The following GRID2 variants were observed in gnomAD, a reference collection of about 807,000 sequenced individuals.
The protein encoded by GRID2 is glutamate receptor ionotropic, delta-2.
Under a neutral mutation model 114.8 loss-of-function variants are expected in GRID2, and 33 were observed. That is an observed-to-expected ratio of 0.29 (90% CI 0.22 to 0.38). The LOEUF (loss-of-function observed/expected upper bound fraction) is 0.38, where lower values mean the gene tolerates loss of function less well. Ranked by LOEUF, GRID2 falls within the 10% of genes least tolerant of loss-of-function variation. GRID2 has a pLI of 1.00. For synonymous variants in GRID2, 505 were observed against 449.9 expected (o/e 1.12, Z -1.55); for missense variants, 1,184 against 1,257.7 (o/e 0.94, Z 0.89).
chr4:93,013,609 G>T (rs1722400792), intron 2 of GRID2, among the ~76,000 whole-genome samples: 1 of 151,820 alleles, frequency 6.6e-6, no homozygotes, highest in Non-Finnish European at 1.5e-5. Context: ...TCATCAGTCA[G>T]TATTTTTAGT....
At chr4:92,937,546 C>A (rs1234232574) in intron 2 of GRID2, among the ~76,000 whole-genome samples, 1 of 146,208 alleles carries the variant, frequency 6.8e-6, no homozygotes, top group Non-Finnish European at 1.5e-5. Context: ...GTATGTTTAT[C>A]CTTATGCCAA....
At chr4:93,333,872 T>TA (rs11326600) in intron 8 of GRID2, among the ~76,000 whole-genome samples, 5 of 151,258 alleles carry the variant, frequency 3.3e-5, no homozygotes, top group South Asian at 2.1e-4. Flanking sequence ...AAGGAGAACC[T>TA]AAAAAAAAAT....
intron 13 of GRID2, among the ~76,000 whole-genome samples, chr4:93,548,633 T>C (rs1303463094): frequency 6.6e-6 from 1 of 151,888 alleles, no homozygotes; most frequent in Non-Finnish European, 1.5e-5. Flanking sequence ...ATCAGAAGAG[T>C]CTGTACACTT....
intron 1 of GRID2, among the ~76,000 whole-genome samples, chr4:92,578,728 C>CAA (rs1728027020): frequency 2.0e-5 from 3 of 150,810 alleles, no homozygotes; most frequent in African/African-American, 7.3e-5. Flanking sequence ...ATCTATCTAT[C>CAA]TATCAATCTA....
chr4:93,298,812 T>C (rs781587781), intron 8 of GRID2, among the ~76,000 whole-genome samples: 13 of 152,224 alleles, frequency 8.5e-5, no homozygotes, highest in Non-Finnish European at 1.5e-4. Flanking sequence ...ACATTAACTT[T>C]TGAAATGATT....
chr4:93,262,594 T>C (rs576361511), intron 8 of GRID2, among the ~76,000 whole-genome samples: 2 of 152,086 alleles, frequency 1.3e-5, no homozygotes, highest in East Asian at 3.9e-4. Flanking sequence ...TACCTACTTC[T>C]TATGCAAAAC....
At chr4:92,701,315 A>G (rs1370653207) in intron 2 of GRID2, among the ~76,000 whole-genome samples, 2 of 152,074 alleles carry the variant, frequency 1.3e-5, no homozygotes, top group South Asian at 2.1e-4. Flanking sequence ...AAGCACTTTC[A>G]CTCCAAAGTT....
intron 13 of GRID2, among the ~76,000 whole-genome samples, chr4:93,611,509 G>A (rs1485088337): frequency 2.1e-5 from 3 of 141,514 alleles, no homozygotes; most frequent in East Asian, 2.0e-4. Flanking sequence ...ATTCTGGTAT[G>A]TTGTGTCTTT....
At chr4:92,959,016 T>A (rs1356608697) in intron 2 of GRID2, among the ~76,000 whole-genome samples, 1 of 151,606 alleles carries the variant, frequency 6.6e-6, no homozygotes, top group African/African-American at 2.4e-5. Context: ...TAGTGATGTG[T>A]CTTCTTTCAT....
At chr4:92,305,863 C>T (rs958763320) in intron 1 of GRID2, among the ~76,000 whole-genome samples, 1 of 152,178 alleles carries the variant, frequency 6.6e-6, no homozygotes, top group Admixed American at 6.5e-5. Context: ...ACCGAGCCAG[C>T]AAGGTTTCTT....
At chr4:93,686,494 GAA>G (rs373163701) in intron 14 of GRID2, among the ~76,000 whole-genome samples, 4 of 145,192 alleles carry the variant, frequency 2.8e-5, no homozygotes, top group African/African-American at 1.0e-4. Flanking sequence ...CAGACGAATA[GAA>G]AAAAAAAAAT....
At chr4:93,400,825 T>C (rs1765809570) in intron 9 of GRID2, among the ~76,000 whole-genome samples, 1 of 152,032 alleles carries the variant, frequency 6.6e-6, no homozygotes, top group South Asian at 2.1e-4. Context: ...ATCCTGACTT[T>C]AGAGAGTTTT....
At chr4:92,681,970 A>G (rs1045619348) in intron 2 of GRID2, among the ~76,000 whole-genome samples, 9 of 152,158 alleles carry the variant, frequency 5.9e-5, no homozygotes, top group African/African-American at 2.2e-4. Flanking sequence ...AAGAGAGGAA[A>G]CTTGGAGATG....
chr4:93,218,937 A>G (rs964592680), intron 6 of GRID2, among the ~76,000 whole-genome samples: 5 of 152,150 alleles, frequency 3.3e-5, no homozygotes, highest in Admixed American at 6.6e-5. Flanking sequence ...ACTCACTACT[A>G]TCATGAGAAT....
At chr4:92,983,612 C>T (rs1754345721) in intron 2 of GRID2, among the ~76,000 whole-genome samples, 1 of 152,002 alleles carries the variant, frequency 6.6e-6, no homozygotes, top group South Asian at 2.1e-4. Flanking sequence ...ATTTTAGTCT[C>T]ATAAGCAAGA....
chr4:92,992,666 A>G (rs1348831580), intron 2 of GRID2, among the ~76,000 whole-genome samples: 7 of 152,188 alleles, frequency 4.6e-5, no homozygotes. Flanking sequence ...ATGCTGGCAC[A>G]TGACTGCCTT....
At chr4:93,403,709 C>A (rs1177485412) in intron 9 of GRID2, among the ~76,000 whole-genome samples, 1 of 151,942 alleles carries the variant, frequency 6.6e-6, no homozygotes, top group Non-Finnish European at 1.5e-5. Context: ...TGGCTATATT[C>A]AAAATGACAG....
chr4:93,467,877 T>C (rs963611975), intron 11 of GRID2, among the ~76,000 whole-genome samples: 11 of 152,232 alleles, frequency 7.2e-5, no homozygotes, highest in African/African-American at 2.7e-4. Context: ...TTCCTTTATT[T>C]AATGCTATCT....
Position 93,606,061 on chromosome 4 carries a change from G to A in GRID2, c.2194-20208G>A, listed in dbSNP as rs575865098. On this transcript the variant is annotated intron_variant, in intron 13 of 15. Transcript: ENST00000282020. ...GTAGCTAGATCACTTTGGGTCAGGA[G>A]TTTGAGACCAGCCTGGCCAACATGG... 4.6e-5 allele frequency among the ~76,000 whole-genome samples: 7 copies of A among 152,246 alleles called. No individual in the cohort carries two copies. The South Asian group carries it at 1.2e-3, about 27-fold the overall frequency.
Sources: allele counts gnomAD v4.1 joint callset (sites outside exome capture counted in the v4.1 genomes callset), GRCh38; gene constraint gnomAD v4.1.1; transcripts MANE v1.5; gene names NCBI Gene and HGNC (gene_info 2026-07-23, HGNC 2026-07-21).